The following SCN1A variants were observed in gnomAD, a reference collection of about 807,000 sequenced individuals.
The protein encoded by SCN1A is sodium voltage-gated channel alpha subunit 1.
Under a neutral mutation model 193.7 loss-of-function variants are expected in SCN1A, and 13 were observed. The observed-to-expected ratio is 0.07, with a 90% CI of 0.04 to 0.11. The LOEUF is 0.11. SCN1A is among the 10% of genes least tolerant of loss of function. The pLI, the probability that SCN1A is intolerant of heterozygous loss-of-function variation, is 1.00. For synonymous variants in SCN1A, 781 were observed against 843.6 expected (o/e 0.93, Z 1.29); for missense variants, 1,432 against 2,451.1 (o/e 0.58, Z 8.78).
chr2:166,137,430 C>T (rs1574644646), intron 1 of SCN1A: 3 of 152,110 alleles, frequency 2.0e-5, no homozygotes, highest in East Asian at 3.9e-4. Flanking sequence ...GTAGGAGGAA[C>T]CTGGTGGGAG....
chr2:166,125,877 C>T (rs374408228), intron 2 of SCN1A, among the ~76,000 whole-genome samples: 1 of 152,142 alleles, frequency 6.6e-6, no homozygotes, highest in South Asian at 2.1e-4. Context: ...CATTTCCCAG[C>T]AAGAGGGGGC....
At chr2:166,132,806 T>A (rs1040032139), upstream of SCN1A, among the ~76,000 whole-genome samples, 6 of 152,136 alleles carry the variant, frequency 3.9e-5, no homozygotes, top group South Asian at 2.1e-4. Context: ...TCAAATATGA[T>A]ATAAAAATAT....
intron 2 of SCN1A, among the ~76,000 whole-genome samples, chr2:166,113,298 A>C (rs1339559211): frequency 2.6e-5 from 4 of 152,060 alleles, no homozygotes; most frequent in Admixed American, 2.6e-4. Context: ...GCTTTTTTTT[A>C]AATTTAGAAT....
intron 19 of SCN1A, among the ~76,000 whole-genome samples, chr2:166,021,945 T>A (rs1174262507): frequency 6.6e-6 from 1 of 152,108 alleles, no homozygotes; most frequent in Non-Finnish European, 1.5e-5. Context: ...TAAAATATTA[T>A]TTAAAAGATT....
chr2:166,015,912 C>G (rs1693234767), intron 19 of SCN1A, 185 bp from the exon 20 acceptor site: 1 of 623,648 alleles, frequency 1.6e-6, no homozygotes, highest in Admixed American at 2.9e-5. Flanking sequence ...ACCCTTTTAC[C>G]ATAATTCACA....
At chr2:166,015,855 G>T in intron 19 of SCN1A, 128 bp from the exon 20 acceptor site, 1 of 1,033,112 alleles carries the variant, frequency 9.7e-7, no homozygotes, top group Non-Finnish European at 1.5e-6. Context: ...TAGAGAAAAA[G>T]AGAGATTGAA....
At chr2:166,103,177 G>A (rs1688305384) in intron 2 of SCN1A, among the ~76,000 whole-genome samples, 2 of 152,018 alleles carry the variant, frequency 1.3e-5, no homozygotes, top group African/African-American at 2.4e-5. Context: ...TAGGCTGGGC[G>A]CGGTGGCTCA....
chr2:166,088,179 C>T (rs79856826), intron 2 of SCN1A, among the ~76,000 whole-genome samples: 2,460 of 151,976 alleles, frequency 0.016, 35 homozygotes, highest in Middle Eastern at 0.037. Context: ...ATTCACAATC[C>T]CATAAAGTTA....
intron 2 of SCN1A, among the ~76,000 whole-genome samples, chr2:166,115,001 G>A (rs1028461397): frequency 2.0e-5 from 3 of 151,982 alleles, no homozygotes; most frequent in African/African-American, 7.3e-5. Flanking sequence ...TAATATCAAT[G>A]CATTCCATAA....
intron 19 of SCN1A, among the ~76,000 whole-genome samples, chr2:166,017,988 T>G (rs1364724484): frequency 6.6e-6 from 1 of 152,034 alleles, no homozygotes; most frequent in Non-Finnish European, 1.5e-5. Context: ...TTAATCTTCA[T>G]GTAAGTGCCA....
chr2:166,038,519 G>A (rs1696751794), intron 17 of SCN1A, among the ~76,000 whole-genome samples: 1 of 151,924 alleles, frequency 6.6e-6, no homozygotes, highest in Admixed American at 6.6e-5. Context: ...TATATATATA[G>A]TAGAGACGGA....
At chr2:166,090,562 C>G (rs1025350998) in intron 2 of SCN1A, among the ~76,000 whole-genome samples, 16 of 152,154 alleles carry the variant, frequency 1.1e-4, no homozygotes, top group African/African-American at 3.9e-4. Flanking sequence ...TAAGCAGAAG[C>G]CAGGCCATAG....
chr2:166,082,172 T>C (rs1048961947), intron 2 of SCN1A, among the ~76,000 whole-genome samples: 28 of 151,974 alleles, frequency 1.8e-4, no homozygotes, highest in Non-Finnish European at 3.2e-4. Flanking sequence ...AAAACAGAGA[T>C]TAGTCTATTC....
At chr2:166,047,969 A>G (rs1698051595) in intron 10 of SCN1A, among the ~76,000 whole-genome samples, 1 of 152,102 alleles carries the variant, frequency 6.6e-6, no homozygotes, top group Non-Finnish European at 1.5e-5. Context: ...ATGGTGCAGC[A>G]TTTCTAATAA....
At chr2:166,010,599 G>A (rs1258178305) in intron 22 of SCN1A, among the ~76,000 whole-genome samples, 2 of 151,000 alleles carry the variant, frequency 1.3e-5, no homozygotes, top group African/African-American at 2.4e-5. Flanking sequence ...CTCTAAATAA[G>A]GAATTTACTA....
At chr2:166,111,611 G>A (rs778439256) in intron 2 of SCN1A, among the ~76,000 whole-genome samples, 1 of 152,180 alleles carries the variant, frequency 6.6e-6, no homozygotes, top group South Asian at 2.1e-4. Flanking sequence ...TATTATTTAA[G>A]ACATACATTT....
rs193277710 is a variant in SCN1A, at chr2:166,093,876, G to A, written c.-141-16075C>T. 6.6e-5 allele frequency among the ~76,000 whole-genome samples: 10 copies of A among 152,278 alleles called. No individual in the cohort carries two copies. The South Asian group carries it at 1.4e-3, about 22-fold the overall frequency. ...TGGAGGAAGTTTGAGATTTAAATCC[G>A]GGTCTAATCTTTCACAGTTCAATGC... On this transcript the variant is annotated intron_variant, in intron 2 of 28. Transcript: ENST00000674923.
At chr2:166,008,140 A>T (rs1691904198) in intron 23 of SCN1A, among the ~76,000 whole-genome samples, 1 of 151,156 alleles carries the variant, frequency 6.6e-6, no homozygotes, top group Non-Finnish European at 1.5e-5. Context: ...TCAAAAACTA[A>T]CCTCTTTTAA....
chr2:166,114,252 T>C (rs1462569891), intron 2 of SCN1A, among the ~76,000 whole-genome samples: 3 of 152,200 alleles, frequency 2.0e-5, no homozygotes, highest in African/African-American at 7.2e-5. Context: ...AATGTTAATA[T>C]ATAAATTATT....
Sources: gnomAD v4.1 joint callset for allele counts (sites outside exome capture counted in the v4.1 genomes callset) on GRCh38, gnomAD v4.1.1 for gene constraint, MANE v1.5 for transcripts, NCBI Gene and HGNC (gene_info 2026-07-23, HGNC 2026-07-21) for gene names.